DHX36: variants seen among roughly 807,000 people sequenced by gnomAD.
DHX36 encodes ATP-dependent DNA/RNA helicase DHX36.
DHX36 carries 50 observed loss-of-function variants against 139.0 expected under a neutral mutation model. That is an observed-to-expected ratio of 0.36 (90% CI 0.29 to 0.46). DHX36 has a LOEUF of 0.46. Among genes scored for constraint, DHX36 ranks in the 20% least tolerant of loss-of-function variants. The pLI is 1.00. For synonymous variants in DHX36, 425 were observed against 401.9 expected, an observed-to-expected ratio of 1.06 and a Z score of -0.69; for missense variants, 1,024 against 1,211.3, an observed-to-expected ratio of 0.85 and a Z score of 2.29.
chr3:154,280,196 A>C (rs983095160), intron 22 of DHX36: 1 of 163,796 alleles, frequency 6.1e-6, no homozygotes. Context: ...AAAATAGTGA[A>C]ATCACAATGT....
rs565126499 is a variant in DHX36 at position 154,284,083 on chromosome 3, T to C, written c.2292+500A>G. ...CAAAACGGTAAATGTAATGAACTAT[T>C]ACAAAATTAAAAATGAATTATAACT... On this transcript the variant is annotated intron_variant, in intron 19 of 24. Transcript: ENST00000496811. Among the ~76,000 whole-genome samples, 4 of 152,340 alleles carry C rather than the reference T, an allele frequency of 2.6e-5. No individual in the cohort carries two copies. The South Asian group carries it at 8.3e-4, about 32-fold the overall frequency.
At chr3:154,305,603 C>G (rs1291372315) in intron 6 of DHX36, among the ~76,000 whole-genome samples, 2 of 151,920 alleles carry the variant, frequency 1.3e-5, no homozygotes, top group South Asian at 4.1e-4. Flanking sequence ...GATCCAGGCT[C>G]GAAAAGTAAA....
intron 1 of DHX36, among the ~76,000 whole-genome samples, chr3:154,317,077 T>C (rs1713016927): frequency 6.6e-6 from 1 of 151,994 alleles, no homozygotes; most frequent in South Asian, 2.1e-4. Context: ...ACCACAGGAC[T>C]TAATGACTAT....
chr3:154,320,695 G>A (rs568595600), intron 1 of DHX36, among the ~76,000 whole-genome samples: 11 of 152,170 alleles, frequency 7.2e-5, no homozygotes, highest in East Asian at 1.9e-4. Flanking sequence ...CACTGTACTC[G>A]TCCCTTCAGA....
chr3:154,300,897 G>C, intron 10 of DHX36, 90 bp downstream of exon 10: 1 of 1,530,744 alleles, frequency 6.5e-7, no homozygotes, highest in South Asian at 1.2e-5. Context: ...TCTCCTTTAA[G>C]TACGTACAGA....
chr3:154,277,534 CA>C (rs1471471938), intron 23 of DHX36, 63 bp downstream of exon 23: 1 of 1,474,766 alleles, frequency 6.8e-7, no homozygotes, highest in Admixed American at 2.2e-5. Context: ...GTTAAAACTA[CA>C]CAATCATAAA....
Position 154,276,818 on chromosome 3 carries a change from C to G in DHX36, c.2770G>C (p.Asp924His), listed in dbSNP as rs151188512. The G allele has an allele frequency of 6.2e-7, 1 of 1,613,864 alleles. No homozygotes were observed. Among genetic ancestry groups the G allele is most frequent in the Admixed American group, 1.7e-5 (1 of 59,984 alleles). Reference protein sequence around the residue: ...GGDISIQKDNDQETIAVDEWI... With the variant: ...GGDISIQKDNHQETIAVDEWI... ...TCATCTACAGCAATAGTTTCCTGATCGTTATCCTTCTGGATGGAAATGTCA... is the reference window on the plus strand; with the variant it reads ...TCATCTACAGCAATAGTTTCCTGATGGTTATCCTTCTGGATGGAAATGTCA... The change falls in exon 24 of 25, where the codon GAT becomes CAT. Residue 924 changes from aspartate to histidine, a missense_variant. Physicochemically the swap from Asp to His is moderately conservative, Grantham distance 81 (BLOSUM62 -1). Around this residue, in one of 4 missense-constraint regions of DHX36, gnomAD observed 470 missense variants for 616.2 expected, o/e 0.76. Transcript: ENST00000496811.
At position 154,302,071 on chromosome 3, in the gene DHX36, T is replaced by TAA. The variant is rs773742984; in HGVS notation, c.1218-946_1218-945dup. Among the ~76,000 whole-genome samples the TAA allele has an allele frequency of 1.3e-3, 135 of 103,504 alleles. 1 individual carries two copies. The highest frequency in any genetic ancestry group is 4.1e-3 in the African/African-American group (117 of 28,352). 67.9% of individuals were successfully genotyped at this position (103,504 alleles called of 152,430 possible). On this transcript the variant is annotated intron_variant, in intron 9 of 24. Coordinates refer to ENST00000496811, the MANE Select transcript of DHX36 (RefSeq NM_020865.3). ...TGAGATTTTTAAAAATGTGATAAAG[T>TAA]AAAAAAAAAAAAAAAAGTGATAAAG...
At chr3:154,302,312 G>T (rs541295011) in intron 9 of DHX36, among the ~76,000 whole-genome samples, 1 of 152,290 alleles carries the variant, frequency 6.6e-6, no homozygotes, top group African/African-American at 2.4e-5. Flanking sequence ...TAAAACAGTT[G>T]CCATACCCTG....
chr3:154,305,157 C>T lies in DHX36; in HGVS notation c.905G>A (p.Arg302Lys), dbSNP rs764076484. The change falls in exon 7 of 25, where the codon AGG becomes AAG. Residue 302 changes from arginine (R) to lysine (K), a missense_variant. This residue lies in a region of DHX36 where 146 missense variants were observed against 215.0 expected (regional missense o/e 0.68). Coordinates refer to ENST00000496811, the MANE Select transcript of DHX36 (RefSeq NM_020865.3). ...YQIRLQSRLP[R>K]KQGSILYCTT... is the part of the protein sequence containing the mutation. ...ACAGTATAAGATAGAACCCTGTTTCCTTGGCAACCGACTGTGAATGAAAGA... is the reference window on the plus strand; with the variant it reads ...ACAGTATAAGATAGAACCCTGTTTCTTTGGCAACCGACTGTGAATGAAAGA... The T allele has an allele frequency of 2.5e-6, 4 of 1,612,286 alleles. No homozygotes were observed. Among genetic ancestry groups the T allele is most frequent in the Non-Finnish European group, 8.5e-7 (1 of 1,179,490 alleles).
chr3:154,276,545 C>T (rs1719155064), intron 24 of DHX36, 189 bp from the exon 25 acceptor site: 1 of 748,490 alleles, frequency 1.3e-6, no homozygotes, highest in African/African-American at 1.8e-5. Flanking sequence ...ATTCACACTG[C>T]AATCACACTG....
intron 23 of DHX36, among the ~76,000 whole-genome samples, chr3:154,277,173 G>A (rs1719176488): frequency 6.6e-6 from 1 of 152,058 alleles, no homozygotes; most frequent in African/African-American, 2.4e-5. Flanking sequence ...TAATGTTGCC[G>A]AAGTTATTTT....
At chr3:154,290,779 T>C (rs967859853) in intron 15 of DHX36, among the ~76,000 whole-genome samples, 1 of 152,056 alleles carries the variant, frequency 6.6e-6, no homozygotes, top group African/African-American at 2.4e-5. Flanking sequence ...TGAGTCTACA[T>C]AGACCCACTG....
intron 13 of DHX36, among the ~76,000 whole-genome samples, chr3:154,294,986 AC>A (rs1376990409): frequency 6.6e-6 from 1 of 152,212 alleles, no homozygotes; most frequent in Non-Finnish European, 1.5e-5. Context: ...AGTAGTACTC[AC>A]AGACCTTTTT....
chr3:154,297,100 A>C, intron 12 of DHX36, among the ~76,000 whole-genome samples: 1 of 152,324 alleles, frequency 6.6e-6, no homozygotes. Context: ...ATGACTTTAC[A>C]TTACCATGAG....
intron 3 of DHX36, among the ~76,000 whole-genome samples, chr3:154,314,152 CAATT>C (rs1247675571): frequency 6.6e-6 from 1 of 152,160 alleles, no homozygotes; most frequent in Non-Finnish European, 1.5e-5. Flanking sequence ...AGAAGATTCT[CAATT>C]AATTCATCCT....
At chr3:154,301,207 G>T (rs1712263507) in intron 9 of DHX36, 80 bp from the exon 10 acceptor site, 7 of 1,373,436 alleles carry the variant, frequency 5.1e-6, no homozygotes, top group East Asian at 4.8e-5. Flanking sequence ...TTTATATTTA[G>T]GATTTTCAAA....
At chr3:154,317,026 G>T (rs1713014824) in intron 1 of DHX36, among the ~76,000 whole-genome samples, 1 of 151,970 alleles carries the variant, frequency 6.6e-6, no homozygotes, top group African/African-American at 2.4e-5. Flanking sequence ...GAAGGTAAAA[G>T]TATAAATGGA....
At chr3:154,323,624 T>C (rs1257019939) in intron 1 of DHX36, among the ~76,000 whole-genome samples, 1 of 152,126 alleles carries the variant, frequency 6.6e-6, no homozygotes, top group Non-Finnish European at 1.5e-5. Context: ...TGCTCATCAA[T>C]AGAAATTTCT....
Sources: gnomAD v4.1 joint callset for allele counts (sites outside exome capture counted in the v4.1 genomes callset) on GRCh38, gnomAD v4.1.1 for gene constraint, gnomAD v4.1.1 regional missense constraint, MANE v1.5 for transcripts, NCBI Gene and HGNC (gene_info 2026-07-23, HGNC 2026-07-21) for gene names.